Variants in ATXN1 observed in about 807,000 individuals in gnomAD.
The protein encoded by ATXN1 is ataxin 1.
A neutral mutation model predicts 56.4 loss-of-function variants in ATXN1; 8 were observed. That is an observed-to-expected ratio of 0.14 (90% confidence interval 0.08 to 0.26). The LOEUF is 0.26. Ranked by LOEUF, ATXN1 falls within the 10% of genes least tolerant of loss-of-function variation. The pLI is 1.00. For missense variants in ATXN1, 987 were observed against 1,106.5 expected (o/e 0.89, Z 1.53); for synonymous variants, 514 against 494.6 (o/e 1.04, Z -0.52).
At chr6:16,376,068 G>T (rs149179766) in intron 6 of ATXN1, among the ~76,000 whole-genome samples, 1,715 of 152,330 alleles carry the variant, frequency 0.011, 10 homozygotes, top group Non-Finnish European at 0.015. Context: ...TAGATTTTCT[G>T]CATGGTTACA....
At chr6:16,579,928 A>C (rs1762498170) in intron 4 of ATXN1, among the ~76,000 whole-genome samples, 8 of 152,190 alleles carry the variant, frequency 5.3e-5, no homozygotes, top group Admixed American at 5.2e-4. Flanking sequence ...CTCAAAAAAA[A>C]ACTACCTTCC....
chr6:16,320,727 G>A (rs1760629014), intron 7 of ATXN1, among the ~76,000 whole-genome samples: 1 of 152,214 alleles, frequency 6.6e-6, no homozygotes, highest in Admixed American at 6.5e-5. Context: ...TTACTGATCT[G>A]GAGGGCTGGA....
chr6:16,464,986 G>C (rs772247033), intron 6 of ATXN1, among the ~76,000 whole-genome samples: 1 of 152,102 alleles, frequency 6.6e-6, no homozygotes, highest in Non-Finnish European at 1.5e-5. Flanking sequence ...GGGTCGGGGA[G>C]GCTAGGAATA....
chr6:16,496,875 G>C (rs1760790611), intron 5 of ATXN1, among the ~76,000 whole-genome samples: 1 of 152,042 alleles, frequency 6.6e-6, no homozygotes, highest in Non-Finnish European at 1.5e-5. Context: ...TCTATTAGGA[G>C]AAAGAATAAC....
intron 6 of ATXN1, among the ~76,000 whole-genome samples, chr6:16,415,845 G>C (rs573416367): frequency 6.6e-6 from 1 of 152,314 alleles, no homozygotes; most frequent in African/African-American, 2.4e-5. Context: ...CCTTCATGCT[G>C]TAGGTAGGGA....
At chr6:16,313,315 G>A (rs1760441669) in intron 7 of ATXN1, among the ~76,000 whole-genome samples, 1 of 152,112 alleles carries the variant, frequency 6.6e-6, no homozygotes, top group African/African-American at 2.4e-5. Flanking sequence ...CCTAAGTTCA[G>A]TTACAGAGGT....
At chr6:16,378,909 C>A (rs1173581154) in intron 6 of ATXN1, among the ~76,000 whole-genome samples, 1 of 152,158 alleles carries the variant, frequency 6.6e-6, no homozygotes, top group East Asian at 1.9e-4. Flanking sequence ...AAGCCCACTA[C>A]TGGGTATCTA....
chr6:16,670,058 T>C (rs1463094459), intron 2 of ATXN1, among the ~76,000 whole-genome samples: 1 of 152,184 alleles, frequency 6.6e-6, no homozygotes, highest in East Asian at 1.9e-4. Context: ...TGGTCACTTC[T>C]GTGGGTCCAC....
intron 6 of ATXN1, among the ~76,000 whole-genome samples, chr6:16,418,831 G>T (rs1758971533): frequency 1.3e-5 from 2 of 150,208 alleles, no homozygotes; most frequent in Admixed American, 1.3e-4. Context: ...AGGTGTTAAT[G>T]GTAACAATTT....
At chr6:16,709,443 T>C (rs1017894248) in intron 2 of ATXN1, among the ~76,000 whole-genome samples, 1 of 152,200 alleles carries the variant, frequency 6.6e-6, no homozygotes, top group Non-Finnish European at 1.5e-5. Context: ...GGCACAATGA[T>C]GATACAACTG....
intron 6 of ATXN1, among the ~76,000 whole-genome samples, chr6:16,413,574 C>G (rs145335207): frequency 1.3e-5 from 2 of 152,050 alleles, no homozygotes; most frequent in Non-Finnish European, 2.9e-5. Context: ...GAATGTGAAT[C>G]AATGGGTGGG....
At chr6:16,718,152 CAAT>C (rs1231281132) in intron 2 of ATXN1, among the ~76,000 whole-genome samples, 1 of 152,208 alleles carries the variant, frequency 6.6e-6, no homozygotes, top group Non-Finnish European at 1.5e-5. Flanking sequence ...AGTGAAGGGT[CAAT>C]GATGCCCAGA....
At chr6:16,656,537 T>C (rs371232693) in intron 3 of ATXN1, among the ~76,000 whole-genome samples, 105 of 152,322 alleles carry the variant, frequency 6.9e-4, no homozygotes, top group African/African-American at 2.5e-3. Flanking sequence ...TGTTGGTGTA[T>C]GCTCTGGAAT....
At chr6:16,558,911 G>A (rs1412877822) in intron 4 of ATXN1, among the ~76,000 whole-genome samples, 3 of 151,582 alleles carry the variant, frequency 2.0e-5, no homozygotes, top group Admixed American at 6.6e-5. Flanking sequence ...GCTGTTACAT[G>A]CTCCTAAAAA....
intron 2 of ATXN1, among the ~76,000 whole-genome samples, chr6:16,735,795 C>A (rs1760108685): frequency 6.6e-6 from 1 of 152,000 alleles, no homozygotes; most frequent in South Asian, 2.1e-4. Flanking sequence ...TGCACTCCAG[C>A]CCAGGCAACA....
At chr6:16,665,216 A>G (rs1758401045) in intron 2 of ATXN1, among the ~76,000 whole-genome samples, 1 of 152,230 alleles carries the variant, frequency 6.6e-6, no homozygotes, top group African/African-American at 2.4e-5. Context: ...GAGCAGCACC[A>G]TGGAATCTGA....
At chr6:16,714,872 A>G (rs1163767361) in intron 2 of ATXN1, among the ~76,000 whole-genome samples, 1 of 151,704 alleles carries the variant, frequency 6.6e-6, no homozygotes, top group African/African-American at 2.4e-5. Context: ...AATTTGCCAG[A>G]TAAGCCACAC....
rs769240662 is a variant in ATXN1, at chr6:16,581,465, G to C, written c.-361+4315C>G. On this transcript the variant is annotated intron_variant, in intron 4 of 7. Coordinates refer to ENST00000436367, the MANE Select transcript of ATXN1 (RefSeq NM_001128164.2). ...CAGCCTTTACCAAATGCAGGTCAAG[G>C]CCTAAGGAGATAAAAGAAATCTCTG... 3.3e-5 allele frequency among the ~76,000 whole-genome samples: 5 copies of C among 152,134 alleles called. No individual in the cohort carries two copies. The South Asian group carries it at 8.3e-4, about 25-fold the overall frequency.
chr6:16,430,123 C>A (rs997526689), intron 6 of ATXN1, among the ~76,000 whole-genome samples: 1 of 151,880 alleles, frequency 6.6e-6, no homozygotes, highest in East Asian at 1.9e-4. Context: ...ATTGCTTGGA[C>A]CCCAAAGTCC....
Sources: allele counts gnomAD v4.1 joint callset (sites outside exome capture counted in the v4.1 genomes callset), GRCh38; gene constraint gnomAD v4.1.1; transcripts MANE v1.5; gene names NCBI Gene and HGNC (gene_info 2026-07-23, HGNC 2026-07-21).